The following PLCB1 variants were observed in gnomAD, a reference collection of about 807,000 sequenced individuals.
PLCB1 encodes the protein 1-phosphatidylinositol 4,5-bisphosphate phosphodiesterase beta-1.
In PLCB1, 46 loss-of-function variants were observed where a neutral mutation model predicts 161.8. The ratio of observed to expected loss-of-function variants is 0.28; its 90% CI spans 0.22 to 0.36. The LOEUF (loss-of-function observed/expected upper bound fraction) is 0.36, where lower values mean the gene tolerates loss of function less well. Ranked by LOEUF, PLCB1 falls within the 10% of genes least tolerant of loss-of-function variation. PLCB1 has a pLI of 1.00. For missense variants in PLCB1, 1,016 were observed against 1,472.5 expected (o/e 0.69, Z 5.07); for synonymous variants, 517 against 503.7 (o/e 1.03, Z -0.35).
intron 1 of PLCB1, among the ~76,000 whole-genome samples, chr20:8,133,131 C>T (rs995945016): frequency 5.3e-5 from 8 of 152,126 alleles, no homozygotes; most frequent in Non-Finnish European, 1.0e-4. Context: ...CGTCCCTCTC[C>T]GCCTGCGGAC....
At chr20:8,859,980 G>A (rs975406352) in intron 31 of PLCB1, among the ~76,000 whole-genome samples, 5 of 152,142 alleles carry the variant, frequency 3.3e-5, no homozygotes, top group African/African-American at 1.2e-4. Flanking sequence ...ATATAAATAT[G>A]TGGGCTTTTT....
At chr20:8,572,417 G>A (rs1986550636) in intron 3 of PLCB1, among the ~76,000 whole-genome samples, 4 of 152,140 alleles carry the variant, frequency 2.6e-5, no homozygotes, top group African/African-American at 9.7e-5. Context: ...TAATGATTAG[G>A]ATTATTGGTG....
chr20:8,292,245 C>T (rs1348226423), intron 2 of PLCB1, among the ~76,000 whole-genome samples: 2 of 152,036 alleles, frequency 1.3e-5, no homozygotes, highest in South Asian at 2.1e-4. Context: ...AATCAAAAAG[C>T]TTCTGCTTGC....
At chr20:8,276,789 G>C (rs1405126886) in intron 2 of PLCB1, among the ~76,000 whole-genome samples, 1 of 151,952 alleles carries the variant, frequency 6.6e-6, no homozygotes, top group Non-Finnish European at 1.5e-5. Flanking sequence ...ACCAAGCCCA[G>C]TACTGTAAAG....
intron 27 of PLCB1, among the ~76,000 whole-genome samples, chr20:8,783,118 A>G (rs906069510): frequency 3.3e-5 from 4 of 119,412 alleles, no homozygotes; most frequent in Non-Finnish European, 7.4e-5. Flanking sequence ...GTTATCATGA[A>G]TGGCAAACAA....
chr20:8,190,532 A>G (rs1332551557), intron 2 of PLCB1, among the ~76,000 whole-genome samples: 2 of 152,100 alleles, frequency 1.3e-5, no homozygotes, highest in East Asian at 3.9e-4. Context: ...AGCAAAGTGA[A>G]GATTGCAGAC....
At chr20:8,371,684 A>C in intron 3 of PLCB1, 2 of 394,072 alleles carry the variant, frequency 5.1e-6, no homozygotes, top group Admixed American at 8.4e-5. Context: ...CTTTGTTTGA[A>C]AAAAAAAGAC....
chr20:8,217,061 GTGA>G (rs60900945), intron 2 of PLCB1, among the ~76,000 whole-genome samples: 1,851 of 152,244 alleles, frequency 0.012, 42 homozygotes, highest in African/African-American at 0.042. Context: ...AGTGGGTACT[GTGA>G]TGAAGCCTTT....
chr20:8,379,639 C>T (rs117367780), intron 3 of PLCB1, among the ~76,000 whole-genome samples: 2,208 of 152,272 alleles, frequency 0.015, 25 homozygotes, highest in Non-Finnish European at 0.024. Context: ...TTAATAATCA[C>T]GATTCTGACT....
At chr20:8,266,541 G>A (rs570393433) in intron 2 of PLCB1, among the ~76,000 whole-genome samples, 2 of 152,332 alleles carry the variant, frequency 1.3e-5, no homozygotes, top group African/African-American at 4.8e-5. Context: ...GCAAGCGTAG[G>A]AGGGAGCTAC....
At chr20:8,142,678 A>T (rs926706179) in intron 1 of PLCB1, among the ~76,000 whole-genome samples, 4 of 152,332 alleles carry the variant, frequency 2.6e-5, no homozygotes, top group Non-Finnish European at 4.4e-5. Flanking sequence ...AGAACAAAAG[A>T]TGCATGGTTG....
chr20:8,809,888 C>T (rs1342856515), intron 31 of PLCB1, among the ~76,000 whole-genome samples: 2 of 152,158 alleles, frequency 1.3e-5, no homozygotes, highest in African/African-American at 2.4e-5. Flanking sequence ...TTCTAGCCCC[C>T]TCAGCAATGT....
rs4053142 is a variant in PLCB1, at chr20:8,831,920, T to C, written c.3423+41659T>C. The stretch of plus-strand genomic sequence containing the variant: ...TCTCCCTCTCTTTCTTTCTCTTTCT[T>C]TCTTTCTTTCTTTCTTTCTTTCTTT... On this transcript the variant is annotated intron_variant, in intron 31 of 31. Transcript: ENST00000338037. 1.5e-4 allele frequency among the ~76,000 whole-genome samples: 5 copies of C among 33,088 alleles called. No individual in the cohort carries two copies. The East Asian group carries it at 2.5e-3, about 16-fold the overall frequency. 21.7% of individuals were successfully genotyped at this position (33,088 alleles called of 152,430 possible).
intron 3 of PLCB1, among the ~76,000 whole-genome samples, chr20:8,406,585 G>A (rs1207326713): frequency 1.3e-5 from 2 of 152,206 alleles, no homozygotes; most frequent in African/African-American, 4.8e-5. Context: ...CAGATGAGTT[G>A]AAATTTGCCT....
At position 8,740,468 on chromosome 20, in the gene PLCB1, T is replaced by C. The variant is rs931470326; in HGVS notation, c.2413+20T>C. 7.5e-7 allele frequency: 1 copy of C among 1,339,946 alleles called. No homozygotes were observed. The highest frequency in any genetic ancestry group is 1.5e-5 in the African/African-American group (1 of 66,932). 83.0% of individuals were successfully genotyped at this position (1,339,946 alleles called of 1,614,324 possible). ...ATGCAGGTAAACAACTTAACTCAAA[T>C]ACCACTTTACTCAAAGGGGTATTTC... On this transcript the variant is annotated intron_variant, in intron 22 of 31. Coordinates refer to ENST00000338037, the MANE Select transcript of PLCB1 (RefSeq NM_015192.4).
At chr20:8,797,007 T>C (rs1984058666) in intron 31 of PLCB1, among the ~76,000 whole-genome samples, 1 of 152,214 alleles carries the variant, frequency 6.6e-6, no homozygotes. Flanking sequence ...ATTTTTGTTT[T>C]TGTGCAGAAA....
At chr20:8,604,276 A>AAAAG (rs1987693718) in intron 3 of PLCB1, among the ~76,000 whole-genome samples, 1 of 151,272 alleles carries the variant, frequency 6.6e-6, no homozygotes, top group East Asian at 1.9e-4. Context: ...AAAAAAAAAA[A>AAAAG]AAGGTTACTT....
chr20:8,714,565 T>A (rs1979199184), intron 12 of PLCB1, among the ~76,000 whole-genome samples: 1 of 152,156 alleles, frequency 6.6e-6, no homozygotes, highest in Admixed American at 6.5e-5. Flanking sequence ...AGCAACGACC[T>A]CCAATGCTTT....
At chr20:8,749,411 C>T (rs566101643) in intron 23 of PLCB1, among the ~76,000 whole-genome samples, 1 of 152,150 alleles carries the variant, frequency 6.6e-6, no homozygotes, top group East Asian at 1.9e-4. Flanking sequence ...GACACTTTTC[C>T]TGGGAATTAT....
Sources: allele counts gnomAD v4.1 joint callset (sites outside exome capture counted in the v4.1 genomes callset), GRCh38; gene constraint gnomAD v4.1.1; transcripts MANE v1.5; gene names NCBI Gene and HGNC (gene_info 2026-07-23, HGNC 2026-07-21).